SYNPO: variants seen among roughly 807,000 people sequenced by gnomAD.
SYNPO encodes synaptopodin.
A neutral mutation model predicts 49.5 loss-of-function variants in SYNPO; 19 were observed. That is an observed-to-expected ratio of 0.38 (90% CI 0.27 to 0.56). The LOEUF (loss-of-function observed/expected upper bound fraction) is 0.56, where lower values mean the gene tolerates loss of function less well. Ranked by LOEUF, SYNPO falls within the 20% of genes least tolerant of loss-of-function variation. The pLI is 0.68. For missense variants in SYNPO, 1,131 were observed against 1,248.3 expected (o/e 0.91, Z 1.42); for synonymous variants, 536 against 548.0 (o/e 0.98, Z 0.31).
At chr5:150,586,921 C>T in the SYNPO span, among the ~76,000 whole-genome samples, 20 of 150,382 alleles carry the variant, frequency 1.3e-4, no homozygotes, top group African/African-American at 3.9e-4. Flanking sequence ...TATGGAAGCA[C>T]GGTTGGATAT....
intron 1 of SYNPO, among the ~76,000 whole-genome samples, chr5:150,606,793 T>C (rs376815652): frequency 8.5e-5 from 13 of 152,200 alleles, no homozygotes; most frequent in African/African-American, 3.1e-4. Context: ...ACCGAGCAAA[T>C]CTACAGTTAG....
intron 1 of SYNPO, among the ~76,000 whole-genome samples, chr5:150,605,984 A>G (rs894452139): frequency 1.3e-5 from 2 of 152,130 alleles, no homozygotes; most frequent in Non-Finnish European, 2.9e-5. Context: ...AAACACAATT[A>G]CACAGATTAC....
At chr5:150,640,522 G>C (rs1757863909), upstream of SYNPO, 1 of 446,070 alleles carries the variant, frequency 2.2e-6, no homozygotes, top group African/African-American at 2.1e-5. Context: ...GGCAGCAGAG[G>C]GTTTTGAGCA....
At chr5:150,606,773 G>GGGCT (rs1466201517) in intron 1 of SYNPO, among the ~76,000 whole-genome samples, 40 of 152,156 alleles carry the variant, frequency 2.6e-4, no homozygotes, top group African/African-American at 9.7e-4. Context: ...CAGGTGACAG[G>GGGCT]GGCTGGCCAA....
chr5:150,611,701 G>A (rs1756852585), intron 1 of SYNPO, among the ~76,000 whole-genome samples: 1 of 152,224 alleles, frequency 6.6e-6, no homozygotes, highest in Non-Finnish European at 1.5e-5. Flanking sequence ...AGGAAGGGAG[G>A]AAGGATGCCA....
Position 150,648,394 on chromosome 5 carries a change from A to G in SYNPO, c.119A>G (p.Asn40Ser), listed in dbSNP as rs771705173. 2 of 1,614,110 alleles carry G rather than the reference A, an allele frequency of 1.2e-6. No individual in the cohort carries two copies. Among genetic ancestry groups the G allele is most frequent in the Non-Finnish European group, 8.5e-7 (1 of 1,180,018 alleles). Residue 40 changes from asparagine to serine, a missense_variant, in exon 2 of 3, where the codon AAT (asparagine) becomes AGT (serine). Around this residue, in one of 4 missense-constraint regions of SYNPO, gnomAD observed 602 missense variants for 720.7 expected, o/e 0.84. Transcript: ENST00000307662. The surrounding 1 kb of genome is among the most constrained non-coding windows in gnomAD (Gnocchi z 5.0). ...GAGAATGCAGCACTGCTGACAGCCAATGGGCTGCACCTGTCCCAAAACCGA... is the reference window on the plus strand; with the variant it reads ...GAGAATGCAGCACTGCTGACAGCCAGTGGGCTGCACCTGTCCCAAAACCGA... ...LKENAALLTA[N>S]GLHLSQNREA...
At chr5:150,586,958 G>T in the SYNPO span, among the ~76,000 whole-genome samples, 1 of 152,148 alleles carries the variant, frequency 6.6e-6, no homozygotes, top group Non-Finnish European at 1.5e-5. Flanking sequence ...ATATATGGAT[G>T]CACGGATGAG....
chr5:150,593,606 C>T, the SYNPO span, among the ~76,000 whole-genome samples: 53,492 of 151,964 alleles, frequency 0.35, 9,939 homozygotes, highest in Middle Eastern at 0.52. Flanking sequence ...AGACTACAGG[C>T]GTTCACCACC....
rs975959634 is a variant in SYNPO at position 150,658,611 on chromosome 5, G to A, written c.*1524G>A. ...AATATTAGCTTCAGGATCAGCTGGG[G>A]GTATGGAATTGGCTGAGGATCAAAC... On this transcript the variant is annotated 3_prime_UTR_variant, in exon 3 of 3. Coordinates refer to ENST00000307662, the MANE Select transcript of SYNPO (RefSeq NM_007286.6). 1 of 152,486 alleles carries A rather than the reference G, an allele frequency of 6.6e-6. No individual in the cohort carries two copies. Among genetic ancestry groups the A allele is most frequent in the Non-Finnish European group, 1.5e-5 (1 of 68,184 alleles). The allele number at this position is 152,486 out of a possible 1,614,324, so 9.4% of individuals were successfully genotyped here. A position where few individuals can be genotyped will look rare whatever the true frequency, so the allele number is the denominator to read the frequency against.
exon 2 of SYNPO, chr5:150,618,597 C>G: frequency 3.2e-6 from 5 of 1,551,320 alleles, no homozygotes; most frequent in Non-Finnish European, 4.4e-6. Context: ...CAGGGGACAC[C>G]GCAGCTGCCC....
At chr5:150,637,780 G>A (rs1017109345), upstream of SYNPO, among the ~76,000 whole-genome samples, 4 of 152,206 alleles carry the variant, frequency 2.6e-5, no homozygotes, top group Admixed American at 1.3e-4. Flanking sequence ...ACCACAGGGC[G>A]CTGTCCTTCA....
chr5:150,610,804 A>G (rs1756825692), intron 1 of SYNPO, among the ~76,000 whole-genome samples: 1 of 152,224 alleles, frequency 6.6e-6, no homozygotes, highest in African/African-American at 2.4e-5. Context: ...AAGAATGCTA[A>G]CATATGAAAT....
At chr5:150,645,871 G>A (rs967491049) in intron 1 of SYNPO, among the ~76,000 whole-genome samples, 4 of 152,212 alleles carry the variant, frequency 2.6e-5, no homozygotes, top group Non-Finnish European at 5.9e-5. Context: ...AGTCATTGGT[G>A]AAACTAGCTC....
intron 2 of SYNPO, among the ~76,000 whole-genome samples, chr5:150,623,666 T>G (rs1042314543): frequency 6.6e-6 from 1 of 152,212 alleles, no homozygotes; most frequent in East Asian, 1.9e-4. Flanking sequence ...GTCTCCCCAG[T>G]GTGAACAGGG....
chr5:150,593,175 C>A, the SYNPO span, among the ~76,000 whole-genome samples: 1 of 152,222 alleles, frequency 6.6e-6, no homozygotes, highest in African/African-American at 2.4e-5. Context: ...TGGCCTTAGG[C>A]CCCCAGACCA....
chr5:150,642,620 C>A (rs1006132882), intron 1 of SYNPO, among the ~76,000 whole-genome samples: 1 of 151,922 alleles, frequency 6.6e-6, no homozygotes, highest in Admixed American at 6.6e-5. Flanking sequence ...GATGGAGTTG[C>A]CCCCTGGTGC....
chr5:150,642,513 C>T (rs1044526288), intron 1 of SYNPO, among the ~76,000 whole-genome samples: 63 of 152,216 alleles, frequency 4.1e-4, no homozygotes, highest in African/African-American at 1.5e-3. Context: ...CTTTGGCTAC[C>T]TCCCCACCCC....
intron 2 of SYNPO, chr5:150,651,873 C>T: frequency 1.0e-6 from 1 of 1,000,452 alleles, no homozygotes; most frequent in South Asian, 4.7e-5. Flanking sequence ...AGCCCCCGAC[C>T]AAACCAGGCT....
chr5:150,645,293 G>T (rs536009357), intron 1 of SYNPO, among the ~76,000 whole-genome samples: 1 of 152,326 alleles, frequency 6.6e-6, no homozygotes, highest in South Asian at 2.1e-4. Flanking sequence ...GGGCAAGGGA[G>T]GGGAGGGCAG....
Sources: allele counts gnomAD v4.1 joint callset (sites outside exome capture counted in the v4.1 genomes callset), GRCh38; gene constraint gnomAD v4.1.1; regional missense constraint gnomAD v4.1.1; non-coding constraint Gnocchi (gnomAD v3.1); transcripts MANE v1.5; gene names NCBI Gene and HGNC (gene_info 2026-07-23, HGNC 2026-07-21).